HDAC1: variants seen among roughly 807,000 people sequenced by gnomAD.
HDAC1 encodes histone deacetylase 1.
Under a neutral mutation model 65.5 loss-of-function variants are expected in HDAC1, and 18 were observed. The ratio of observed to expected loss-of-function variants is 0.27; its 90% CI spans 0.19 to 0.41. HDAC1 has a LOEUF of 0.41. HDAC1 is among the 10% of genes least tolerant of loss of function. The probability of loss-of-function intolerance (pLI) is 1.00; values close to 1 mark genes in which losing one functional copy is unlikely to be tolerated. For missense variants in HDAC1, 373 were observed against 625.2 expected (o/e 0.60, Z 4.30); for synonymous variants, 211 against 227.9 (o/e 0.93, Z 0.67).
In HDAC1 at chr1:32,326,992, G is replaced by A. The variant is rs1244559394; in HGVS notation, c.409G>A (p.Gly137Arg). The A allele has an allele frequency of 6.2e-7, 1 of 1,614,050 alleles. No homozygotes were observed. Among genetic ancestry groups the A allele is most frequent in the East Asian group, 2.2e-5 (1 of 44,870 alleles). ...GACGGACATCGCTGTGAATTGGGCT[G>A]GGGGCCTGCACCATGCAAAGAAGTC... Reference protein sequence around the residue: ...QQTDIAVNWAGGLHHAKKSEA... With the variant: ...QQTDIAVNWARGLHHAKKSEA... The change falls in exon 5 of 14, where the codon GGG (glycine) becomes AGG (arginine). Residue 137 changes from glycine (G) to arginine (R), a missense_variant. By Grantham distance (125) the Gly-to-Arg change is moderately radical. Coordinates refer to ENST00000373548, the MANE Select transcript of HDAC1 (RefSeq NM_004964.3).
At chr1:32,294,734 T>TC (rs1640744370) in intron 1 of HDAC1, among the ~76,000 whole-genome samples, 1 of 151,332 alleles carries the variant, frequency 6.6e-6, no homozygotes, top group African/African-American at 2.4e-5. Context: ...CAGGATGGTC[T>TC]GGATCTCCTG....
At chr1:32,310,772 T>C (rs111297601) in intron 2 of HDAC1, among the ~76,000 whole-genome samples, 11,113 of 151,200 alleles carry the variant, frequency 0.073, 1,343 homozygotes, top group African/African-American at 0.25. Context: ...ATTGCTTGAA[T>C]CTGGGAGGCG....
chr1:32,314,993 A>T (rs1013006010), intron 2 of HDAC1, among the ~76,000 whole-genome samples: 1 of 152,160 alleles, frequency 6.6e-6, no homozygotes, highest in East Asian at 1.9e-4. Context: ...TGGTTTCTTT[A>T]TACATTGTTT....
At chr1:32,301,223 G>A (rs1464292600) in intron 1 of HDAC1, among the ~76,000 whole-genome samples, 9 of 151,894 alleles carry the variant, frequency 5.9e-5, no homozygotes, top group African/African-American at 1.9e-4. Context: ...GAGGCGGGCA[G>A]ATCACAAGGT....
Position 32,332,140 on chromosome 1 carries a change from G to A in HDAC1, c.1270G>A (p.Glu424Lys). 6.2e-7 allele frequency: 1 copy of A among 1,613,010 alleles called. No individual in the cohort carries two copies. The highest frequency in any genetic ancestry group is 8.5e-7 in the Non-Finnish European group (1 of 1,179,418). ...CTGTGAGGAAGAGTTCTCCGATTCT[G>A]AAGAGGAGGGAGAGGGGGGCCGCAA... ...IACEEEFSDSEEEGEGGRKNS... is the reference protein window; with the variant it reads ...IACEEEFSDSKEEGEGGRKNS... The change falls in exon 12 of 14, where the codon GAA becomes AAA. Residue 424 changes from glutamate to lysine, a missense_variant. This residue lies in a region of HDAC1 where 126 missense variants were observed against 126.2 expected (regional missense o/e 1.00). Coordinates refer to ENST00000373548, the MANE Select transcript of HDAC1 (RefSeq NM_004964.3).
rs142770956 is a variant in HDAC1 at position 32,323,762 on chromosome 1, C to A, written c.281-717C>A. 5.9e-5 allele frequency among the ~76,000 whole-genome samples: 9 copies of A among 152,242 alleles called. No individual in the cohort carries two copies. The East Asian group carries it at 1.7e-3, about 29-fold the overall frequency. On this transcript the variant is annotated intron_variant, in intron 3 of 13. Coordinates refer to ENST00000373548, the MANE Select transcript of HDAC1 (RefSeq NM_004964.3). ...AGAAGCTTGTGTGAAGATGAATGAT[C>A]TCGGGTATTTAACGCATGTAGCGCA...
chr1:32,293,343 G>A (rs928991826), intron 1 of HDAC1, among the ~76,000 whole-genome samples: 1 of 148,626 alleles, frequency 6.7e-6, no homozygotes, highest in Non-Finnish European at 1.5e-5. Flanking sequence ...AAAAAAAGAT[G>A]TAAATAGGGA....
At chr1:32,325,787 A>G (rs997903650) in intron 4 of HDAC1, among the ~76,000 whole-genome samples, 4 of 152,136 alleles carry the variant, frequency 2.6e-5, no homozygotes, top group Non-Finnish European at 5.9e-5. Flanking sequence ...GCACTTTGGG[A>G]GGCTGAAGAG....
At position 32,292,146 on chromosome 1, in the gene HDAC1, C is replaced by T. The variant is rs1342620555; in HGVS notation, c.-24C>T. On this transcript the variant is annotated 5_prime_UTR_variant, in exon 1 of 14. The change creates a new upstream start codon in the 5' untranslated region. Transcript: ENST00000373548. ...GCGGGAGGGCGGACGGACCGACTGA[C>T]GGTAGGGACGGGAGGCGAGCAAGAT... 1.4e-5 allele frequency: 21 copies of T among 1,547,248 alleles called. No homozygotes were observed. The highest frequency in any genetic ancestry group is 2.7e-5 in the African/African-American group (2 of 73,032).
chr1:32,325,775 C>T (rs1297968354), intron 4 of HDAC1, among the ~76,000 whole-genome samples: 1 of 152,178 alleles, frequency 6.6e-6, no homozygotes, highest in East Asian at 1.9e-4. Context: ...CCTGTAATCT[C>T]AGCACTTTGG....
At chr1:32,320,487 C>T (rs1208812744) in intron 3 of HDAC1, among the ~76,000 whole-genome samples, 1 of 152,154 alleles carries the variant, frequency 6.6e-6, no homozygotes, top group African/African-American at 2.4e-5. Context: ...GAGACATTCT[C>T]ATCCATTTTA....
intron 1 of HDAC1, among the ~76,000 whole-genome samples, chr1:32,294,969 G>C (rs957004048): frequency 6.6e-6 from 1 of 151,776 alleles, no homozygotes; most frequent in Non-Finnish European, 1.5e-5. Flanking sequence ...TTTTTTTGTT[G>C]TTGTTGTTTG....
intron 2 of HDAC1, among the ~76,000 whole-genome samples, chr1:32,315,692 C>G (rs1641051516): frequency 2.0e-5 from 3 of 150,512 alleles, no homozygotes; most frequent in Admixed American, 2.0e-4. Context: ...GTAGGCCGGG[C>G]GCAGTGGCTC....
intron 1 of HDAC1, among the ~76,000 whole-genome samples, chr1:32,296,625 C>T (rs1447906283): frequency 3.9e-5 from 6 of 152,116 alleles, no homozygotes; most frequent in South Asian, 2.1e-4. Flanking sequence ...GTCATCTACC[C>T]GCCTCAGCCT....
In HDAC1 at chr1:32,330,375, C is replaced by T. The variant is rs193207919; in HGVS notation, c.730-203C>T. The T allele has an allele frequency of 5.0e-5, 28 of 562,150 alleles. No homozygotes were observed. In the East Asian group the frequency reaches 7.9e-4, roughly 16 times the overall value. The allele number at this position is 562,150 out of a possible 1,614,324, so 34.8% of individuals were successfully genotyped here. A position where few individuals can be genotyped will look rare whatever the true frequency, so the allele number is the denominator to read the frequency against. ...AGTGTTACTAGAGTGTTAGAAGGGT[C>T]TTAGAGAACTTTTTAAATTGGAAAA... On this transcript the variant is annotated intron_variant, in intron 7 of 13. Coordinates refer to ENST00000373548, the MANE Select transcript of HDAC1 (RefSeq NM_004964.3). This position sits in a 1 kb window ranked among gnomAD's most constrained non-coding sequence, Gnocchi z 4.2.
chr1:32,305,635 A>G (rs1056467840), intron 2 of HDAC1, among the ~76,000 whole-genome samples: 16 of 145,602 alleles, frequency 1.1e-4, no homozygotes, highest in Non-Finnish European at 1.5e-4. Context: ...CCCTGAGACA[A>G]TGTCTCACTC....
intron 1 of HDAC1, among the ~76,000 whole-genome samples, chr1:32,301,672 A>T (rs1640850668): frequency 6.6e-6 from 1 of 152,016 alleles, no homozygotes; most frequent in Non-Finnish European, 1.5e-5. Flanking sequence ...TGAGAGGCTG[A>T]GGCAGGAGAA....
At chr1:32,321,124 G>A (rs1641137065) in intron 3 of HDAC1, among the ~76,000 whole-genome samples, 1 of 151,072 alleles carries the variant, frequency 6.6e-6, no homozygotes. Flanking sequence ...CCAGCTACTT[G>A]GGAGGCTGAG....
rs774159115 is a variant in HDAC1 at position 32,327,123 on chromosome 1, G to T, written c.494+46G>T. 5 of 1,602,020 alleles carry T rather than the reference G, an allele frequency of 3.1e-6. No individual in the cohort carries two copies. In the African/African-American group the frequency reaches 4.0e-5, roughly 13 times the overall value. On this transcript the variant is annotated intron_variant, in intron 5 of 13. Transcript: ENST00000373548. This position sits in a 1 kb window ranked among gnomAD's most constrained non-coding sequence, Gnocchi z 6.0. The stretch of plus-strand genomic sequence containing the variant: ...CTCTTGGAAGAGCACCTTAGGCCAG[G>T]TTCCCATTTCCCTCTTCCCCTGGGC...
Sources: allele counts gnomAD v4.1 joint callset (sites outside exome capture counted in the v4.1 genomes callset), GRCh38; gene constraint gnomAD v4.1.1; regional missense constraint gnomAD v4.1.1; non-coding constraint Gnocchi (gnomAD v3.1); transcripts MANE v1.5; gene names NCBI Gene and HGNC (gene_info 2026-07-23, HGNC 2026-07-21).